Variants in ZNF492 observed in about 807,000 individuals in gnomAD.
ZNF492 encodes zinc finger protein 115 (Y20).
In ZNF492, 3 loss-of-function variants were observed where a neutral mutation model predicts 6.4. That is an observed-to-expected ratio of 0.47 (90% CI 0.21 to 1.22). The LOEUF (loss-of-function observed/expected upper bound fraction) is 1.22. Among genes scored for constraint, ZNF492 ranks in the 50% most tolerant of loss-of-function variants. The pLI is 0.22. For missense variants in ZNF492, 356 were observed against 612.5 expected (o/e 0.58, Z 4.42); for synonymous variants, 112 against 205.3 (o/e 0.55, Z 3.89).
chr19:22,662,609 T>G (rs1400333953), intron 3 of ZNF492, among the ~76,000 whole-genome samples: 2 of 151,776 alleles, frequency 1.3e-5, no homozygotes, highest in African/African-American at 4.8e-5. Flanking sequence ...TCTCCTGACT[T>G]TTTAATGATC....
intron 1 of ZNF492, among the ~76,000 whole-genome samples, chr19:22,652,705 G>A (rs74910935): frequency 0.11 from 16,527 of 151,294 alleles, 983 homozygotes; most frequent in Middle Eastern, 0.16. Flanking sequence ...TCAGCCTCCC[G>A]AGTAGCTGGG....
At chr19:22,662,878 G>C (rs1972072977) in intron 3 of ZNF492, among the ~76,000 whole-genome samples, 1 of 152,028 alleles carries the variant, frequency 6.6e-6, no homozygotes, top group African/African-American at 2.4e-5. Flanking sequence ...CTCCCATTCT[G>C]TAGGTTGCCT....
intron 2 of ZNF492, among the ~76,000 whole-genome samples, 170 bp from the exon 3 acceptor site, chr19:22,653,750 A>G (rs1971965643): frequency 6.6e-6 from 1 of 152,096 alleles, no homozygotes; most frequent in Non-Finnish European, 1.5e-5. Flanking sequence ...TAGTGAAATT[A>G]AGAACTTACA....
intron 1 of ZNF492, among the ~76,000 whole-genome samples, chr19:22,652,221 C>T (rs1599398850): frequency 9.5e-5 from 10 of 105,506 alleles, no homozygotes; most frequent in African/African-American, 4.5e-4. Context: ...CTTTCTTAGG[C>T]TTTTTTTTTT....
chr19:22,663,703 CTTG>C (rs1972082053), intron 3 of ZNF492, 94 bp from the exon 4 acceptor site: 1 of 1,166,274 alleles, frequency 8.6e-7, no homozygotes, highest in Admixed American at 3.4e-5. Context: ...GCTGTAACAT[CTTG>C]TGATGTAGTT....
chr19:22,637,686 A>G (rs1357063583), intron 1 of ZNF492, among the ~76,000 whole-genome samples: 2 of 152,176 alleles, frequency 1.3e-5, no homozygotes, highest in African/African-American at 4.8e-5. Context: ...ACTGCAATGA[A>G]CATACGTATG....
chr19:22,661,042 T>C (rs11881740), intron 3 of ZNF492, among the ~76,000 whole-genome samples: 29,781 of 151,956 alleles, frequency 0.2, 3,851 homozygotes, highest in African/African-American at 0.37. Context: ...TTTTACCTTG[T>C]AGCTCCTAAG....
At chr19:22,658,639 C>G (rs1972022271) in intron 3 of ZNF492, among the ~76,000 whole-genome samples, 1 of 140,394 alleles carries the variant, frequency 7.1e-6, no homozygotes, top group Non-Finnish European at 1.5e-5. Context: ...CAAGATTTAC[C>G]TTTATAGTTG....
chr19:22,658,297 C>G (rs991595020), intron 3 of ZNF492, among the ~76,000 whole-genome samples: 3 of 151,482 alleles, frequency 2.0e-5, no homozygotes, highest in Non-Finnish European at 4.4e-5. Context: ...TGAAGTGGTC[C>G]TGTCTCCTTG....
intron 1 of ZNF492, among the ~76,000 whole-genome samples, chr19:22,649,747 G>GTA (rs1307584587): frequency 1.3e-5 from 2 of 152,022 alleles, no homozygotes; most frequent in Non-Finnish European, 2.9e-5. Context: ...TGATACTTGT[G>GTA]TATGCTTCAT....
chr19:22,653,163 G>T, intron 1 of ZNF492, 144 bp from the exon 2 acceptor site: 1 of 951,084 alleles, frequency 1.1e-6, no homozygotes, highest in Non-Finnish European at 1.5e-6. Flanking sequence ...ATATACTTCT[G>T]TGCTGAAAGT....
At chr19:22,650,861 C>T (rs1403117647) in intron 1 of ZNF492, among the ~76,000 whole-genome samples, 4 of 152,108 alleles carry the variant, frequency 2.6e-5, no homozygotes, top group Non-Finnish European at 5.9e-5. Context: ...AGCTGTCAGT[C>T]CCAGTGCTGG....
At chr19:22,649,958 C>G (rs1971922705) in intron 1 of ZNF492, among the ~76,000 whole-genome samples, 1 of 152,142 alleles carries the variant, frequency 6.6e-6, no homozygotes, top group Non-Finnish European at 1.5e-5. Context: ...ATTTGTCTAT[C>G]TCATTCTCCA....
chr19:22,656,326 AGT>A (rs1375271795), intron 3 of ZNF492, among the ~76,000 whole-genome samples: 1 of 150,386 alleles, frequency 6.6e-6, no homozygotes, highest in East Asian at 2.0e-4. Context: ...TTTTGGACAG[AGT>A]GAGTATCCTT....
In ZNF492 at chr19:22,665,040, T is replaced by C. The variant is rs776760924; in HGVS notation, c.1371T>C (p.Ala457=). The C allele has an allele frequency of 1.1e-4, 178 of 1,589,476 alleles. 4 individuals carry two copies. Among genetic ancestry groups the C allele is most frequent in the Non-Finnish European group, 1.3e-4 (155 of 1,170,014 alleles). Residue 457 remains alanine (A), a synonymous_variant, in exon 4 of 4, where the codon GCT becomes GCC. Coordinates refer to ENST00000456783, the MANE Select transcript of ZNF492 (RefSeq NM_020855.3). ...KPYKYEECGK[A]FNQSSHLTTH... ...ACAAATATGAAGAATGTGGCAAAGC[T>C]TTTAACCAGTCCTCACACCTTACTA...
At chr19:22,638,627 A>G (rs960108160) in intron 1 of ZNF492, among the ~76,000 whole-genome samples, 11 of 152,142 alleles carry the variant, frequency 7.2e-5, no homozygotes, top group Non-Finnish European at 1.5e-4. Context: ...CCTGTAGTAT[A>G]GTTTGAATTC....
chr19:22,641,376 C>T (rs1189809001), intron 1 of ZNF492, among the ~76,000 whole-genome samples: 2 of 152,040 alleles, frequency 1.3e-5, no homozygotes, highest in Non-Finnish European at 2.9e-5. Flanking sequence ...AATTCAAGTG[C>T]AGGTTGTTTA....
intron 1 of ZNF492, among the ~76,000 whole-genome samples, chr19:22,652,583 CT>C (rs923532853): frequency 1.1e-3 from 148 of 130,660 alleles, no homozygotes; most frequent in Middle Eastern, 0.011. Context: ...ATTTTCTTTT[CT>C]TTTTTTTTTT....
In ZNF492 at chr19:22,634,578, A is replaced by G. The variant is rs374454452; in HGVS notation, c.-94+104A>G. 1.5e-4 allele frequency: 169 copies of G among 1,148,674 alleles called. 2 individuals carry two copies. The African/African-American group carries it at 2.1e-3, about 14-fold the overall frequency. 71.2% of individuals were successfully genotyped at this position (1,148,674 alleles called of 1,614,324 possible). On this transcript the variant is annotated intron_variant, in intron 1 of 3. Coordinates refer to ENST00000456783, the MANE Select transcript of ZNF492 (RefSeq NM_020855.3). The stretch of plus-strand genomic sequence containing the variant: ...CAGGCCTCCCCGCAGTCGGCTCCAC[A>G]ATCTGCGCCCCAAGTTCGCCTTGCC...
Sources: allele counts gnomAD v4.1 joint callset (sites outside exome capture counted in the v4.1 genomes callset), GRCh38; gene constraint gnomAD v4.1.1; transcripts MANE v1.5; gene names NCBI Gene and HGNC (gene_info 2026-07-23, HGNC 2026-07-21).